Variants in EIPR1 observed in about 807,000 individuals in gnomAD.
EIPR1 encodes the protein EARP complex and GARP complex interacting protein 1.
EIPR1 carries 25 observed loss-of-function variants against 48.1 expected under a neutral mutation model. The ratio of observed to expected loss-of-function variants is 0.52; its 90% CI spans 0.38 to 0.73. The LOEUF (loss-of-function observed/expected upper bound fraction) is 0.73. EIPR1 is among the 30% of genes least tolerant of loss of function. The pLI, the probability that EIPR1 is intolerant of heterozygous loss-of-function variation, is 0.00. For synonymous variants in EIPR1, 204 were observed against 201.9 expected (o/e 1.01, Z -0.09); for missense variants, 415 against 506.2 (o/e 0.82, Z 1.73).
intron 1 of EIPR1, chr2:3,377,430 AGGGGAAGG>A (rs1659926984): frequency 2.0e-6 from 1 of 487,910 alleles, no homozygotes; most frequent in Admixed American, 3.7e-5. Context: ...CAGGATGTGA[AGGGGAAGG>A]AGGCAGGCCG....
chr2:3,377,457 C>T, intron 1 of EIPR1, 191 bp downstream of exon 1: 2 of 594,144 alleles, frequency 3.4e-6, no homozygotes, highest in Non-Finnish European at 5.4e-6. Flanking sequence ...CGGCTGTGGC[C>T]AACCCTGTTA....
At chr2:3,360,761 G>A (rs1386590050) in intron 1 of EIPR1, among the ~76,000 whole-genome samples, 1 of 152,196 alleles carries the variant, frequency 6.6e-6, no homozygotes, top group East Asian at 1.9e-4. Flanking sequence ...AAGGAGGGCA[G>A]GTGGAGAGGG....
At chr2:3,194,404 C>T (rs2305491) in intron 6 of EIPR1, 316,579 of 367,636 alleles carry the variant, frequency 0.86, 138,235 homozygotes, top group Middle Eastern at 0.92. Context: ...ACCCTCTGGG[C>T]GAGCCGTGGA....
intron 3 of EIPR1, among the ~76,000 whole-genome samples, chr2:3,284,711 G>C (rs557352278): frequency 6.6e-6 from 1 of 152,238 alleles, no homozygotes; most frequent in Non-Finnish European, 1.5e-5. Flanking sequence ...AATGGAGCCA[G>C]GATTCCAACT....
chr2:3,201,096 C>T (rs939666055), intron 5 of EIPR1, among the ~76,000 whole-genome samples: 2 of 152,192 alleles, frequency 1.3e-5, no homozygotes, highest in African/African-American at 2.4e-5. Flanking sequence ...GCCCCAGGCA[C>T]GTGCTCCCAC....
In EIPR1 at chr2:3,201,341, G is replaced by A. The variant is rs114709561; in HGVS notation, c.517-4324C>T. Among the ~76,000 whole-genome samples the A allele has an allele frequency of 2.1e-3, 327 of 152,352 alleles. 2 individuals are homozygous for A. Among genetic ancestry groups the A allele is most frequent in the African/African-American group, 7.4e-3 (307 of 41,590 alleles). On this transcript the variant is annotated intron_variant, in intron 5 of 8. Coordinates refer to ENST00000382125, the MANE Select transcript of EIPR1 (RefSeq NM_003310.5). ...CTCGCCAGGAACAATCAACCATGGCGGAGGGGGGATGTTAACAAAAGAGGG... is the reference window on the plus strand; with the variant it reads ...CTCGCCAGGAACAATCAACCATGGCAGAGGGGGGATGTTAACAAAAGAGGG...
At chr2:3,222,921 G>A (rs769790541) in intron 4 of EIPR1, among the ~76,000 whole-genome samples, 2 of 152,144 alleles carry the variant, frequency 1.3e-5, no homozygotes, top group South Asian at 2.1e-4. Context: ...AGTGACGGGC[G>A]GTTCCCTAAC....
chr2:3,267,531 A>G (rs940309391), intron 3 of EIPR1, among the ~76,000 whole-genome samples: 1 of 152,270 alleles, frequency 6.6e-6, no homozygotes, highest in Non-Finnish European at 1.5e-5. Context: ...CTGTTGTCAC[A>G]GAGCATGTCT....
intron 1 of EIPR1, among the ~76,000 whole-genome samples, chr2:3,372,387 A>G (rs1466456532): frequency 3.3e-5 from 5 of 150,260 alleles, no homozygotes; most frequent in African/African-American, 1.2e-4. Flanking sequence ...AAATCAGAGC[A>G]GAACTGAAGG....
intron 4 of EIPR1, among the ~76,000 whole-genome samples, chr2:3,223,722 A>G (rs1258473491): frequency 3.9e-5 from 6 of 152,122 alleles, no homozygotes; most frequent in Admixed American, 1.3e-4. Context: ...GGTGGCCCCC[A>G]GGGTGGACAC....
intron 3 of EIPR1, among the ~76,000 whole-genome samples, chr2:3,307,395 T>G (rs2103303596): frequency 6.6e-6 from 1 of 152,270 alleles, no homozygotes; most frequent in Non-Finnish European, 1.5e-5. Context: ...TAGAGGGCAT[T>G]GGGGTGGGTG....
At chr2:3,246,789 G>C (rs1666812263) in intron 4 of EIPR1, among the ~76,000 whole-genome samples, 1 of 99,418 alleles carries the variant, frequency 1.0e-5, no homozygotes, top group South Asian at 4.4e-4. Context: ...GGGAGAAACG[G>C]AGGGAGGGAG....
chr2:3,319,294 A>G, intron 3 of EIPR1: 1 of 258,734 alleles, frequency 3.9e-6, no homozygotes, highest in South Asian at 4.3e-5. Context: ...GCTCCTAATT[A>G]GCGCTGCTGG....
chr2:3,348,145 C>T (rs1311020937), intron 2 of EIPR1, among the ~76,000 whole-genome samples: 2 of 152,142 alleles, frequency 1.3e-5, no homozygotes, highest in African/African-American at 4.8e-5. Flanking sequence ...AAAACAGATG[C>T]AGAACCAGAT....
At chr2:3,309,908 A>G (rs537278708) in intron 3 of EIPR1, among the ~76,000 whole-genome samples, 1 of 152,252 alleles carries the variant, frequency 6.6e-6, no homozygotes, top group East Asian at 1.9e-4. Context: ...TTCTCCCTGC[A>G]GGCTCTGGCA....
intron 8 of EIPR1, 85 bp downstream of exon 8, chr2:3,192,322 AACTTTCT>A: frequency 2.1e-6 from 3 of 1,421,706 alleles, no homozygotes; most frequent in Non-Finnish European, 1.9e-6. Flanking sequence ...CACTCCTGGA[AACTTTCT>A]ACATACACAG....
intron 4 of EIPR1, among the ~76,000 whole-genome samples, chr2:3,231,877 T>C (rs1666254262): frequency 6.6e-6 from 1 of 152,250 alleles, no homozygotes; most frequent in African/African-American, 2.4e-5. Context: ...TTCCCTCTTC[T>C]TAATTTTGTG....
chr2:3,351,060 G>A (rs1393165509), intron 2 of EIPR1, among the ~76,000 whole-genome samples: 1 of 149,176 alleles, frequency 6.7e-6, no homozygotes, highest in East Asian at 2.0e-4. Flanking sequence ...GTGCAGTGGT[G>A]CGATCTCGGC....
At chr2:3,238,020 G>C (rs548196860) in intron 4 of EIPR1, among the ~76,000 whole-genome samples, 48 of 152,116 alleles carry the variant, frequency 3.2e-4, no homozygotes. Flanking sequence ...CAACGACAAA[G>C]GCTTATCTCA....
Sources: allele counts gnomAD v4.1 joint callset (sites outside exome capture counted in the v4.1 genomes callset), GRCh38; gene constraint gnomAD v4.1.1; transcripts MANE v1.5; gene names NCBI Gene and HGNC (gene_info 2026-07-23, HGNC 2026-07-21).